KCNQ5: variants seen among roughly 807,000 people sequenced by gnomAD.
The protein encoded by KCNQ5 is potassium voltage-gated channel subfamily KQT member 5.
KCNQ5 carries 30 observed loss-of-function variants against 98.2 expected under a neutral mutation model. The observed-to-expected ratio is 0.31, with a 90% CI of 0.23 to 0.41. The LOEUF (loss-of-function observed/expected upper bound fraction) is 0.41. Ranked by LOEUF, KCNQ5 falls within the 10% of genes least tolerant of loss-of-function variation. KCNQ5 has a pLI of 1.00. For missense variants in KCNQ5, 835 were observed against 1,182.5 expected, an observed-to-expected ratio of 0.71 and a Z score of 4.31; for synonymous variants, 458 against 449.4, an observed-to-expected ratio of 1.02 and a Z score of -0.24.
intron 1 of KCNQ5, among the ~76,000 whole-genome samples, chr6:72,890,160 T>C (rs903543826): frequency 1.3e-5 from 2 of 152,238 alleles, no homozygotes; most frequent in South Asian, 4.1e-4. Flanking sequence ...ATATATTTAA[T>C]ATATACATTT....
chr6:73,020,775 T>C (rs577368322), intron 2 of KCNQ5, among the ~76,000 whole-genome samples: 2 of 152,298 alleles, frequency 1.3e-5, no homozygotes, highest in South Asian at 4.1e-4. Context: ...TTAAGAGTTG[T>C]ATGCCAGGAA....
chr6:73,097,605 A>T (rs1774569387), intron 5 of KCNQ5, among the ~76,000 whole-genome samples: 1 of 152,180 alleles, frequency 6.6e-6, no homozygotes, highest in African/African-American at 2.4e-5. Flanking sequence ...AGTCTCAGTG[A>T]TGGTGGCCAC....
chr6:73,029,497 A>AG (rs1299774929), intron 2 of KCNQ5, among the ~76,000 whole-genome samples: 3 of 91,136 alleles, frequency 3.3e-5, no homozygotes, highest in Non-Finnish European at 6.4e-5. Flanking sequence ...TCCTCAACTC[A>AG]GTTTTTTTTT....
At chr6:72,907,275 A>T (rs1364945456) in intron 1 of KCNQ5, among the ~76,000 whole-genome samples, 1 of 152,200 alleles carries the variant, frequency 6.6e-6, no homozygotes, top group Non-Finnish European at 1.5e-5. Flanking sequence ...AAGTTTACCT[A>T]TATAACAAAT....
chr6:73,116,321 G>A (rs976214274), intron 7 of KCNQ5, among the ~76,000 whole-genome samples: 6 of 152,142 alleles, frequency 3.9e-5, no homozygotes, highest in African/African-American at 1.4e-4. Flanking sequence ...AATTGATAAT[G>A]TCTAAAATTG....
intron 1 of KCNQ5, among the ~76,000 whole-genome samples, chr6:72,929,700 G>A (rs1440238581): frequency 3.3e-5 from 5 of 152,082 alleles, no homozygotes; most frequent in Non-Finnish European, 7.4e-5. Context: ...CTATTGGATA[G>A]AAGAAAATGG....
At chr6:73,129,387 T>A (rs2150451144) in intron 9 of KCNQ5, among the ~76,000 whole-genome samples, 1 of 152,364 alleles carries the variant, frequency 6.6e-6, no homozygotes, top group Non-Finnish European at 1.5e-5. Flanking sequence ...ACCAAGAACT[T>A]ACGTTTTCAA....
In KCNQ5 at chr6:72,923,103, C is replaced by T. The variant is rs1355195723; in HGVS notation, c.399-80805C>T. Among the ~76,000 whole-genome samples the T allele has an allele frequency of 2.0e-5, 3 of 152,080 alleles. 1 individual carries two copies. The East Asian group carries it at 5.8e-4, about 29-fold the overall frequency. On this transcript the variant is annotated intron_variant, in intron 1 of 13. Transcript: ENST00000370398. ...CTGGGATTACAGATGTGAGCCACCG[C>T]GCCCAGCCAGGACACATTTCTTTAT...
chr6:73,005,278 C>G (rs1048419650), intron 2 of KCNQ5, among the ~76,000 whole-genome samples: 2 of 152,226 alleles, frequency 1.3e-5, no homozygotes, highest in African/African-American at 4.8e-5. Context: ...TTAACCTTGT[C>G]TGCCCTTTTG....
At chr6:73,009,014 G>A (rs1327733722) in intron 2 of KCNQ5, among the ~76,000 whole-genome samples, 1 of 151,946 alleles carries the variant, frequency 6.6e-6, no homozygotes, top group East Asian at 1.9e-4. Context: ...TCTTGAGACA[G>A]AGCCTCACTT....
intron 10 of KCNQ5, among the ~76,000 whole-genome samples, chr6:73,144,894 C>G (rs1297779774): frequency 6.6e-6 from 1 of 152,190 alleles, no homozygotes; most frequent in African/African-American, 2.4e-5. Context: ...CAGGCTCAAC[C>G]TATCACAGTA....
intron 1 of KCNQ5, among the ~76,000 whole-genome samples, chr6:72,753,931 T>A (rs897857002): frequency 6.6e-6 from 1 of 151,404 alleles, no homozygotes; most frequent in African/African-American, 2.4e-5. Flanking sequence ...TTGTGTAGAT[T>A]CTTTGAGATT....
intron 1 of KCNQ5, among the ~76,000 whole-genome samples, chr6:72,677,369 A>G (rs1365970423): frequency 6.6e-6 from 1 of 152,202 alleles, no homozygotes; most frequent in Non-Finnish European, 1.5e-5. Flanking sequence ...GGGAGTACTT[A>G]TATTAGAATG....
intron 1 of KCNQ5, among the ~76,000 whole-genome samples, chr6:72,815,527 G>A (rs953017494): frequency 6.6e-6 from 1 of 152,172 alleles, no homozygotes; most frequent in Non-Finnish European, 1.5e-5. Context: ...AAGGGAAGTG[G>A]AGAGAAATGA....
At chr6:72,995,698 G>A (rs1165486996) in intron 1 of KCNQ5, among the ~76,000 whole-genome samples, 2 of 152,156 alleles carry the variant, frequency 1.3e-5, no homozygotes, top group East Asian at 3.9e-4. Flanking sequence ...GGAGGTTCTT[G>A]TTTAGGGAGT....
chr6:73,089,959 T>C (rs1198891634), intron 5 of KCNQ5, among the ~76,000 whole-genome samples: 2 of 152,180 alleles, frequency 1.3e-5, no homozygotes, highest in African/African-American at 2.4e-5. Flanking sequence ...CAAATGGTTC[T>C]ACTTTTAGTT....
intron 1 of KCNQ5, among the ~76,000 whole-genome samples, chr6:72,817,808 C>T (rs887693416): frequency 1.3e-5 from 2 of 151,918 alleles, no homozygotes; most frequent in African/African-American, 2.4e-5. Flanking sequence ...GTGGGAGGAT[C>T]GCTTGAGCCC....
intron 1 of KCNQ5, among the ~76,000 whole-genome samples, chr6:72,778,253 C>T (rs1341973129): frequency 6.6e-6 from 1 of 152,142 alleles, no homozygotes; most frequent in Non-Finnish European, 1.5e-5. Flanking sequence ...GTACTGTATA[C>T]AGGCCAGGCG....
At chr6:72,997,104 G>A (rs1769339665) in intron 1 of KCNQ5, among the ~76,000 whole-genome samples, 1 of 152,064 alleles carries the variant, frequency 6.6e-6, no homozygotes, top group South Asian at 2.1e-4. Flanking sequence ...ATGATGGGAG[G>A]GTCCTGGATG....
Sources: gnomAD v4.1 joint callset for allele counts (sites outside exome capture counted in the v4.1 genomes callset) on GRCh38, gnomAD v4.1.1 for gene constraint, MANE v1.5 for transcripts, NCBI Gene and HGNC (gene_info 2026-07-23, HGNC 2026-07-21) for gene names.